The following MYO1C variants were observed in gnomAD, a reference collection of about 807,000 sequenced individuals.
MYO1C encodes the protein myosin IC.
MYO1C carries 104 observed loss-of-function variants against 150.8 expected under a neutral mutation model. That is an observed-to-expected ratio of 0.69 (90% CI 0.59 to 0.81). The LOEUF is 0.81. Ranked by LOEUF, MYO1C falls within the 30% of genes least tolerant of loss-of-function variation. MYO1C has a pLI of 0.00. For missense variants in MYO1C, 1,504 were observed against 1,435.0 expected, an observed-to-expected ratio of 1.05 and a Z score of -0.78; for synonymous variants, 663 against 579.9, an observed-to-expected ratio of 1.14 and a Z score of -2.06.
Position 1,492,473 on chromosome 17 carries a change from C to T in MYO1C, c.15G>A (p.Val5=), listed in dbSNP as rs2074746979. Residue 5 remains valine (V), a synonymous_variant, in exon 1 of 32, where the codon GTG becomes GTA. Transcript: ENST00000648651. ...TGATCTCCCCGGTGGGTACCAGCTC[C>T]ACTTGCAGCGCCATTCCGCCCTGCG... is the stretch of plus-strand genomic sequence containing the variant. The part of the protein sequence containing the change: MALQ[V]ELVPTGEIIR... The T allele has an allele frequency of 6.2e-7, 1 of 1,604,986 alleles. No individual in the cohort carries two copies. Among genetic ancestry groups the T allele is most frequent in the South Asian group, 1.1e-5 (1 of 89,494 alleles).
In MYO1C at chr17:1,470,026, C is replaced by T. The variant is rs1294628615; in HGVS notation, c.2526+149G>A. ...TGGGCGAAAGTGTGAGACTCCATCT[C>T]AAAAAAAAAAGAGACCTTACTTTTC... On this transcript the variant is annotated intron_variant, in intron 24 of 31. Transcript: ENST00000648651. The T allele has an allele frequency of 4.0e-6, 3 of 741,132 alleles. No individual in the cohort carries two copies. The East Asian group carries it at 1.0e-4, about 25-fold the overall frequency. 45.9% of individuals were successfully genotyped at this position (741,132 alleles called of 1,614,324 possible). A position where few individuals can be genotyped will look rare whatever the true frequency, so the allele number is the denominator to read the frequency against.
chr17:1,483,800 T>C, intron 2 of MYO1C, 75 bp from the exon 3 acceptor site: 2 of 1,219,382 alleles, frequency 1.6e-6, no homozygotes, highest in Admixed American at 2.0e-5. Flanking sequence ...TCCCAGCACT[T>C]TGGGAGGCCA....
At position 1,488,010 on chromosome 17, in the gene MYO1C, G is replaced by C. The variant is rs555885988; in HGVS notation, c.76-3707C>G. The stretch of plus-strand genomic sequence containing the variant: ...AGGGGTGGGGAACGTCCTAGAAGAC[G>C]GGGTAGAGGGTCAAGAGAGCCCCTC... On this transcript the variant is annotated intron_variant, in intron 1 of 31. Transcript: ENST00000648651. Among the ~76,000 whole-genome samples the C allele has an allele frequency of 3.5e-4, 53 of 152,304 alleles. 1 individual carries two copies. Among genetic ancestry groups the C allele is most frequent in the Admixed American group, 1.4e-3 (21 of 15,304 alleles).
At position 1,464,463 on chromosome 17, in the gene MYO1C, A is replaced by G. The variant is rs1233602531; in HGVS notation, c.*1263T>C. The G allele has an allele frequency of 6.5e-6, 1 of 152,758 alleles. No individual in the cohort carries two copies. 9.5% of individuals were successfully genotyped at this position (152,758 alleles called of 1,614,324 possible). On this transcript the variant is annotated 3_prime_UTR_variant, in exon 32 of 32. Coordinates refer to ENST00000648651, the MANE Select transcript of MYO1C (RefSeq NM_001080779.2). ...TGCGGGCAAGCTGTCTGTCATCCCA[A>G]GGCCTGGACTCTGGCAGAGGCGCTT... is the stretch of plus-strand genomic sequence containing the variant.
chr17:1,491,857 C>G (rs2074739242), intron 1 of MYO1C, among the ~76,000 whole-genome samples: 2 of 151,962 alleles, frequency 1.3e-5, no homozygotes, highest in South Asian at 4.1e-4. Context: ...CGCGCCCCTC[C>G]GGCCGAAGAC....
chr17:1,469,602 G>A lies in MYO1C; in HGVS notation c.2539C>T (p.Leu847=). 2.5e-6 allele frequency: 4 copies of A among 1,612,398 alleles called. No individual in the cohort carries two copies. Among genetic ancestry groups the A allele is most frequent in the Non-Finnish European group, 3.4e-6 (4 of 1,179,290 alleles). Residue 847 remains leucine (L), a synonymous_variant, in exon 25 of 32, where the codon CTG becomes TTG. Transcript: ENST00000648651. ...ATGTTCTTTATGCACAACTCCCGCAGAAGCTCTGAGGCCTAAGGGGAGGAG... is the reference window on the plus strand; with the variant it reads ...ATGTTCTTTATGCACAACTCCCGCAAAAGCTCTGAGGCCTAAGGGGAGGAG... ...PPALREASEL[L]RELCIKNMVW... is the part of the protein sequence containing the mutation.
At position 1,480,522 on chromosome 17, in the gene MYO1C, C is replaced by T. The variant is rs767608211; in HGVS notation, c.906+5G>A. On this transcript the variant is annotated splice_donor_5th_base_variant and intron_variant, in intron 7 of 31. Coordinates refer to ENST00000648651, the MANE Select transcript of MYO1C (RefSeq NM_001080779.2). ...GGAAAGCGAGGGTCCCGGAAGAGGC[C>T]TCACCTCCACTTCATCCTCGGTGAA... 1 of 1,609,384 alleles carries T rather than the reference C, an allele frequency of 6.2e-7. No individual in the cohort carries two copies. The highest frequency in any genetic ancestry group is 1.1e-5 in the South Asian group (1 of 90,990).
At chr17:1,490,330 T>C (rs910090960) in intron 1 of MYO1C, among the ~76,000 whole-genome samples, 16 of 108,792 alleles carry the variant, frequency 1.5e-4, no homozygotes, top group African/African-American at 5.7e-4. Context: ...ACCCCGTCTC[T>C]ACTAAAAAAA....
At position 1,478,413 on chromosome 17, in the gene MYO1C, T is replaced by C. The variant is rs762938149; in HGVS notation, c.1292A>G (p.Asn431Ser). 2 of 1,613,988 alleles carry C rather than the reference T, an allele frequency of 1.2e-6. No homozygotes were observed. The stretch of plus-strand genomic sequence containing the variant: ...ACGGGGGAAAGATGGCACCGACCTG[T>C]TATGCTGAAACACTTCAAAGCCATA... ...DIYGFEVFQHNSFEQFCINYC... is the reference protein window; with the variant it reads ...DIYGFEVFQHSSFEQFCINYC... The change falls in exon 11 of 32, where the codon AAC becomes AGC. Residue 431 changes from asparagine to serine, a missense_variant. By Grantham distance (46) the Asn-to-Ser change is conservative. Coordinates refer to ENST00000648651, the MANE Select transcript of MYO1C (RefSeq NM_001080779.2). The surrounding 1 kb of genome is among the most constrained non-coding windows in gnomAD (Gnocchi z 6.3).
chr17:1,470,299 CG>C lies in MYO1C; in HGVS notation c.2401del (p.Arg801AlafsTer18), dbSNP rs1446133378. 5 of 1,335,046 alleles carry C rather than the reference CG, an allele frequency of 3.7e-6. No individual in the cohort carries two copies. Among genetic ancestry groups the C allele is most frequent in the East Asian group, 4.0e-5 (1 of 25,190 alleles). 82.7% of individuals were successfully genotyped at this position (1,335,046 alleles called of 1,614,324 possible). The part of the protein sequence containing the change: ...IRGFVLRHAP[R>X]CPENAFFLDH... The stretch of plus-strand genomic sequence containing the variant: ...CAGGAAGAAGGCGTTCTCGGGGCAG[CG>C]GGGGGCGTGGCGCAGGACGAAGCCT... On this transcript the variant is annotated frameshift_variant, in exon 24 of 32. Transcript: ENST00000648651. LOFTEE classifies it high-confidence loss of function.
chr17:1,481,595 G>C (rs1227540756), intron 5 of MYO1C, among the ~76,000 whole-genome samples: 4 of 151,696 alleles, frequency 2.6e-5, no homozygotes, highest in African/African-American at 9.7e-5. Flanking sequence ...CGAACTCCCG[G>C]GTTCAAGCAA....
chr17:1,467,223 G>A lies in MYO1C; in HGVS notation c.3165+19C>T. On this transcript the variant is annotated intron_variant, in intron 31 of 31. Transcript: ENST00000648651. ...GCTATCACAGCCAGGCCATAAGCGGGAAAGCAGGCCCCACTCACCACAGCC... is the reference window on the plus strand; with the variant it reads ...GCTATCACAGCCAGGCCATAAGCGGAAAAGCAGGCCCCACTCACCACAGCC... The A allele has an allele frequency of 1.2e-6, 2 of 1,601,418 alleles. No homozygotes were observed. The highest frequency in any genetic ancestry group is 1.7e-6 in the Non-Finnish European group (2 of 1,173,092).
intron 1 of MYO1C, 26 bp from the exon 2 acceptor site, chr17:1,484,329 G>A (rs780921699): frequency 1.2e-6 from 2 of 1,606,084 alleles, no homozygotes; most frequent in Admixed American, 1.7e-5. Flanking sequence ...CACAGAAGAG[G>A]GTCAGAGTCA....
chr17:1,470,893 G>T lies in MYO1C; in HGVS notation c.2212+178C>A, dbSNP rs1598325295. The T allele has an allele frequency of 3.3e-6, 3 of 902,272 alleles. No homozygotes were observed. In the East Asian group the frequency reaches 7.9e-5, roughly 24 times the overall value. 55.9% of individuals were successfully genotyped at this position (902,272 alleles called of 1,614,324 possible). ...GGATGGTGGGCGTGGGGCTGGAGCT[G>T]GTGGGGAGGGGCTCCAAGTCGGCCA... is the stretch of plus-strand genomic sequence containing the variant. On this transcript the variant is annotated intron_variant, in intron 21 of 31. Coordinates refer to ENST00000648651, the MANE Select transcript of MYO1C (RefSeq NM_001080779.2).
chr17:1,469,813 T>C (rs1287849430), intron 24 of MYO1C, among the ~76,000 whole-genome samples, 199 bp from the exon 25 acceptor site: 2 of 138,052 alleles, frequency 1.4e-5, no homozygotes, highest in African/African-American at 3.5e-5. Context: ...GGTGGGTGGA[T>C]CACCCGAGCT....
At chr17:1,488,951 G>A (rs1156879950) in intron 1 of MYO1C, among the ~76,000 whole-genome samples, 2 of 152,232 alleles carry the variant, frequency 1.3e-5, no homozygotes, top group Non-Finnish European at 2.9e-5. Context: ...GTGCCTACAA[G>A]CCTGACTTCT....
chr17:1,475,045 G>A lies in MYO1C; in HGVS notation c.1575-13C>T. 1.1e-5 allele frequency: 17 copies of A among 1,550,766 alleles called. No individual in the cohort carries two copies. The highest frequency in any genetic ancestry group is 1.5e-5 in the Non-Finnish European group (17 of 1,146,922). On this transcript the variant is annotated splice_polypyrimidine_tract_variant and intron_variant, in intron 14 of 31. Coordinates refer to ENST00000648651, the MANE Select transcript of MYO1C (RefSeq NM_001080779.2). ...AGCCAGCTTGTGCCTGGGGGTGACA[G>A]GGAGGAAGCTGCAGATGGCTGCCGG...
chr17:1,487,339 C>T (rs934492478), intron 1 of MYO1C, among the ~76,000 whole-genome samples: 1 of 152,254 alleles, frequency 6.6e-6, no homozygotes, highest in Non-Finnish European at 1.5e-5. Context: ...CAGACTCGCC[C>T]TGGTGGGGTT....
chr17:1,467,768 T>TC, intron 29 of MYO1C, 72 bp downstream of exon 29: 1 of 348,404 alleles, frequency 2.9e-6, no homozygotes, highest in Non-Finnish European at 5.4e-6. Flanking sequence ...CACCCCCTAT[T>TC]CCCCCATCCA....
Sources: gnomAD v4.1 joint callset for allele counts (sites outside exome capture counted in the v4.1 genomes callset) on GRCh38, gnomAD v4.1.1 for gene constraint, Gnocchi (gnomAD v3.1) non-coding constraint, MANE v1.5 for transcripts, NCBI Gene and HGNC (gene_info 2026-07-23, HGNC 2026-07-21) for gene names.